MAEA: variants seen among roughly 807,000 people sequenced by gnomAD.
MAEA encodes the protein macrophage erythroblast attacher, E3 ubiquitin ligase.
MAEA carries 22 observed loss-of-function variants against 46.2 expected under a neutral mutation model. That is an observed-to-expected ratio of 0.48 (90% CI 0.34 to 0.68). The LOEUF (loss-of-function observed/expected upper bound fraction) is 0.68, where lower values mean the gene tolerates loss of function less well. Ranked by LOEUF, MAEA falls within the 30% of genes least tolerant of loss-of-function variation. MAEA has a pLI of 0.01. For missense variants in MAEA, 393 were observed against 558.1 expected, an observed-to-expected ratio of 0.70 and a Z score of 2.98; for synonymous variants, 246 against 222.6, an observed-to-expected ratio of 1.11 and a Z score of -0.94.
chr4:1,297,272 A>G (rs147503876), intron 1 of MAEA, among the ~76,000 whole-genome samples: 111 of 152,278 alleles, frequency 7.3e-4, no homozygotes, highest in African/African-American at 2.4e-3. Context: ...TGAGTCCACG[A>G]TGGCTGCTGG....
In MAEA at chr4:1,322,995, G is replaced by A. The variant is rs1017913603; in HGVS notation, c.579+492G>A. ...TTTTGAGACGGAGTCTCGCTTTGTC[G>A]CCAGGGTGGAGTGCAGTGGCACGAT... On this transcript the variant is annotated intron_variant, in intron 4 of 8. Transcript: ENST00000303400. Among the ~76,000 whole-genome samples, 9 of 117,232 alleles carry A rather than the reference G, an allele frequency of 7.7e-5. 1 individual carries two copies. The highest frequency in any genetic ancestry group is 5.5e-4 in the South Asian group (2 of 3,640). The allele number at this position is 117,232 out of a possible 152,430, so 76.9% of individuals were successfully genotyped here.
At chr4:1,316,935 C>T (rs577967111) in intron 3 of MAEA, among the ~76,000 whole-genome samples, 11 of 145,208 alleles carry the variant, frequency 7.6e-5, no homozygotes, top group South Asian at 4.4e-4. Context: ...CAGGCCCACC[C>T]GGCCCCACAC....
chr4:1,291,022 T>C (rs145957271), intron 1 of MAEA, among the ~76,000 whole-genome samples: 1 of 152,332 alleles, frequency 6.6e-6, no homozygotes, highest in African/African-American at 2.4e-5. Context: ...AGTGACCACG[T>C]ATTGTTTCAA....
chr4:1,313,677 C>T (rs1046827285), intron 2 of MAEA, among the ~76,000 whole-genome samples: 1 of 149,726 alleles, frequency 6.7e-6, no homozygotes, highest in African/African-American at 2.5e-5. Context: ...CAGTGAGCCA[C>T]GATCATGCCA....
intron 1 of MAEA, among the ~76,000 whole-genome samples, chr4:1,304,913 C>T (rs1005336916): frequency 2.0e-5 from 3 of 152,180 alleles, no homozygotes; most frequent in Non-Finnish European, 4.4e-5. Context: ...ACAAATGTGT[C>T]TCACGCTATA....
chr4:1,312,428 T>TTC (rs1736632017), intron 2 of MAEA: 1 of 377,904 alleles, frequency 2.6e-6, no homozygotes, highest in Admixed American at 4.6e-5. Flanking sequence ...GATTGATTTT[T>TTC]TTTTTTTTTT....
intron 1 of MAEA, among the ~76,000 whole-genome samples, chr4:1,293,242 ATGAGT>A (rs1734294866): frequency 6.6e-6 from 1 of 151,222 alleles, no homozygotes; most frequent in Non-Finnish European, 1.5e-5. Context: ...AAGTAATTTG[ATGAGT>A]TGGGTGCGGT....
chr4:1,290,787 G>C (rs1182572517), intron 1 of MAEA, among the ~76,000 whole-genome samples: 3 of 152,186 alleles, frequency 2.0e-5, no homozygotes, highest in Non-Finnish European at 2.9e-5. Context: ...ACGGTGTGGC[G>C]ACAGGTGTGG....
At chr4:1,335,011 TC>T in intron 6 of MAEA, 1 of 985,330 alleles carries the variant, frequency 1.0e-6, no homozygotes, top group African/African-American at 1.7e-5. Flanking sequence ...GATGACCACC[TC>T]CCCTCCCTCC....
chr4:1,296,002 G>C (rs1577124535), intron 1 of MAEA, among the ~76,000 whole-genome samples: 1 of 7,880 alleles, frequency 1.3e-4, no homozygotes. Context: ...CACCTGTGCT[G>C]CCCTCACCTG....
At chr4:1,302,662 A>T (rs1735432946) in intron 1 of MAEA, among the ~76,000 whole-genome samples, 1 of 152,110 alleles carries the variant, frequency 6.6e-6, no homozygotes, top group Admixed American at 6.5e-5. Flanking sequence ...TTGTATTTTT[A>T]GTAGAGACGG....
At chr4:1,305,953 G>A (rs893337154) in intron 1 of MAEA, among the ~76,000 whole-genome samples, 4 of 152,186 alleles carry the variant, frequency 2.6e-5, no homozygotes, top group Non-Finnish European at 5.9e-5. Context: ...TCCAAGAAGA[G>A]CCAGGGTTTT....
intron 2 of MAEA, 79 bp from the exon 3 acceptor site, chr4:1,315,318 T>G: frequency 1.5e-6 from 2 of 1,350,420 alleles, no homozygotes; most frequent in Non-Finnish European, 2.1e-6. Flanking sequence ...GTGTTGTGGA[T>G]TGGGGCAGCC....
chr4:1,294,727 A>G (rs937922578), intron 1 of MAEA, among the ~76,000 whole-genome samples: 4 of 150,268 alleles, frequency 2.7e-5, no homozygotes, highest in African/African-American at 9.8e-5. Context: ...CAGCACAAGC[A>G]CACACAGACA....
chr4:1,301,748 C>G (rs1211857406), intron 1 of MAEA, among the ~76,000 whole-genome samples: 7 of 152,198 alleles, frequency 4.6e-5, no homozygotes, highest in African/African-American at 1.7e-4. Context: ...AAGCACTGGA[C>G]AAGGGACACA....
chr4:1,309,806 T>C (rs941630484), intron 1 of MAEA: 22 of 1,398,984 alleles, frequency 1.6e-5, no homozygotes, highest in Non-Finnish European at 2.0e-5. Flanking sequence ...GAGCAAAGGG[T>C]TCCTGTCTGC....
rs1733913741 is a variant in MAEA, at chr4:1,289,926, G to A, written c.13G>A (p.Glu5Lys). 6.2e-7 allele frequency: 1 copy of A among 1,600,552 alleles called. No individual in the cohort carries two copies. The highest frequency in any genetic ancestry group is 8.5e-7 in the Non-Finnish European group (1 of 1,173,240). Residue 5 changes from glutamate to lysine, a missense_variant, in exon 1 of 9, where the codon GAG becomes AAG. Coordinates refer to ENST00000303400, the MANE Select transcript of MAEA (RefSeq NM_001017405.3). The part of the protein sequence containing the change: MAVQ[E>K]SAAQLSMTLK... ...TGGCCGCTTCAAGATGGCGGTGCAG[G>A]AGTCGGCGGCTCAGTTGTCCATGAC...
chr4:1,309,542 A>T (rs1237543289), intron 1 of MAEA: 1 of 1,417,728 alleles, frequency 7.1e-7, no homozygotes, highest in Non-Finnish European at 9.3e-7. Flanking sequence ...TCATCCCCTG[A>T]ACTCAGATTG....
At chr4:1,321,870 G>T (rs4974550) in intron 3 of MAEA, among the ~76,000 whole-genome samples, 33,320 of 146,616 alleles carry the variant, frequency 0.23, 4,689 homozygotes, top group East Asian at 0.46. Flanking sequence ...TGTTTTTTTT[G>T]TTGTTTTTTT....
Sources: gnomAD v4.1 joint callset for allele counts (sites outside exome capture counted in the v4.1 genomes callset) on GRCh38, gnomAD v4.1.1 for gene constraint, MANE v1.5 for transcripts, NCBI Gene and HGNC (gene_info 2026-07-23, HGNC 2026-07-21) for gene names.